The following CTCFL variants were observed in gnomAD, a reference collection of about 807,000 sequenced individuals.
The protein encoded by CTCFL is transcriptional repressor CTCFL.
Under a neutral mutation model 67.4 loss-of-function variants are expected in CTCFL, and 36 were observed. The observed-to-expected ratio is 0.53, with a 90% CI of 0.41 to 0.71. CTCFL has a LOEUF of 0.71. Ranked by LOEUF, CTCFL falls within the 30% of genes least tolerant of loss-of-function variation. The pLI, the probability that CTCFL is intolerant of heterozygous loss-of-function variation, is 0.00. For missense variants in CTCFL, 786 were observed against 835.2 expected (o/e 0.94, Z 0.73); for synonymous variants, 324 against 302.3 (o/e 1.07, Z -0.75).
In CTCFL at chr20:57,524,028, C is replaced by T; in HGVS notation, c.178G>A (p.Val60Ile). Residue 60 changes from valine (V) to isoleucine (I), a missense_variant, in exon 2 of 11, where the codon GTC becomes ATC. This residue lies in a region of CTCFL where 333 missense variants were observed against 304.6 expected (regional missense o/e 1.09). Coordinates refer to ENST00000243914, the MANE Select transcript of CTCFL (RefSeq NM_001386993.1). ...ERTSGAFQDS[V>I]LEEEVELVLA... ...ACCAGCTCCACTTCTTCCTCCAGGA[C>T]GCTGTCCTGGAAGGCCCCAGAGGTA... 2 of 1,613,482 alleles carry T rather than the reference C, an allele frequency of 1.2e-6. No homozygotes were observed. Among genetic ancestry groups the T allele is most frequent in the Admixed American group, 1.7e-5 (1 of 60,030 alleles).
intron 7 of CTCFL, 127 bp from the exon 8 acceptor site, chr20:57,512,879 C>G (rs900035511): frequency 1.2e-6 from 1 of 816,372 alleles, no homozygotes; most frequent in Non-Finnish European, 1.9e-6. Context: ...CTGGGCAGGG[C>G]AGGGTGGGCT....
At chr20:57,507,636 C>G (rs2068283618) in intron 9 of CTCFL, 1 of 703,032 alleles carries the variant, frequency 1.4e-6, no homozygotes, top group East Asian at 2.7e-5. Context: ...CCGGTGCCAG[C>G]AGTTGTGTGG....
At chr20:57,524,393 T>G (rs1467395628) in intron 1 of CTCFL, 177 bp from the exon 2 acceptor site, 1 of 1,431,806 alleles carries the variant, frequency 7.0e-7, no homozygotes, top group Non-Finnish European at 9.1e-7. Flanking sequence ...TAGGAGGGGG[T>G]CAAGGCTAAG....
Position 57,498,533 on chromosome 20 carries a change from C to A in CTCFL, c.*17G>T, listed in dbSNP as rs765240764. 12 of 1,602,554 alleles carry A rather than the reference C, an allele frequency of 7.5e-6. No individual in the cohort carries two copies. In the South Asian group the frequency reaches 1.3e-4, roughly 18 times the overall value. ...CTTTAGGAATTGGGGGCAGTGAACA[C>A]GCAACCCGAATCCCTCTCACTTATC... On this transcript the variant is annotated 3_prime_UTR_variant, in exon 11 of 11. Transcript: ENST00000243914.
At position 57,506,109 on chromosome 20, in the gene CTCFL, A is replaced by G. The variant is rs139587701; in HGVS notation, c.1674+2497T>C. ...CAAATCTGGCTGCCAACTGTTTGTGAAAGCAAGTTTTACTGGAACACAGCC... is the reference window on the plus strand; with the variant it reads ...CAAATCTGGCTGCCAACTGTTTGTGGAAGCAAGTTTTACTGGAACACAGCC... On this transcript the variant is annotated intron_variant, in intron 9 of 10. Coordinates refer to ENST00000243914, the MANE Select transcript of CTCFL (RefSeq NM_001386993.1). 2.6e-3 allele frequency among the ~76,000 whole-genome samples: 403 copies of G among 152,310 alleles called. 1 individual carries two copies. The highest frequency in any genetic ancestry group is 4.9e-3 in the Non-Finnish European group (333 of 68,024).
chr20:57,518,565 T>C lies in CTCFL; in HGVS notation c.1059+193A>G, dbSNP rs141558238. 216 of 1,440,862 alleles carry C rather than the reference T, an allele frequency of 1.5e-4. No individual in the cohort carries two copies. The East Asian group carries it at 5.2e-3, about 35-fold the overall frequency. 89.3% of individuals were successfully genotyped at this position (1,440,862 alleles called of 1,614,324 possible). A position where few individuals can be genotyped will look rare whatever the true frequency, so the allele number is the denominator to read the frequency against. On this transcript the variant is annotated intron_variant, in intron 5 of 10. Transcript: ENST00000243914. ...ACATATTATTTTCACTAATTAGTAA[T>C]CAAAGAAACAAAGAAATCCAATTTT...
At chr20:57,518,692 T>TG in intron 5 of CTCFL, 66 bp downstream of exon 5, 1 of 1,610,878 alleles carries the variant, frequency 6.2e-7, no homozygotes, top group South Asian at 1.1e-5. Flanking sequence ...TAGTTACACT[T>TG]GGAGTAACTT....
upstream of CTCFL, chr20:57,525,181 G>C (rs1044139472): frequency 6.7e-6 from 1 of 149,404 alleles, no homozygotes; most frequent in African/African-American, 2.5e-5. Flanking sequence ...AAAAGAGGGG[G>C]CGTGAAGGGG....
At chr20:57,498,733 T>C in intron 10 of CTCFL, 32 bp from the exon 11 acceptor site, 2 of 1,581,048 alleles carry the variant, frequency 1.3e-6, no homozygotes, top group African/African-American at 1.4e-5. Flanking sequence ...AGCAAATTTA[T>C]CAGAAAGCTA....
At chr20:57,509,964 G>T (rs540300444) in intron 8 of CTCFL, among the ~76,000 whole-genome samples, 1 of 152,282 alleles carries the variant, frequency 6.6e-6, no homozygotes, top group African/African-American at 2.4e-5. Context: ...CTGCTCCAGG[G>T]CCCCTCATCC....
At position 57,524,142 on chromosome 20, in the gene CTCFL, T is replaced by C. The variant is rs189021392; in HGVS notation, c.64A>G (p.Met22Val). ...TCCTCCTTCAGGCCTTTTTCCGGCA[T>C]CAACTCGAGTTCTTTGATCTTGGTG... ...QFTKIKELEL[M>V]PEKGLKEEEK... Residue 22 changes from methionine to valine, a missense_variant, in exon 2 of 11, where the codon ATG becomes GTG. Met to Val is a conservative substitution (Grantham distance 21). Transcript: ENST00000243914. 1.2e-5 allele frequency: 20 copies of C among 1,613,598 alleles called. No homozygotes were observed. In the South Asian group the frequency reaches 1.3e-4, roughly 11 times the overall value.
In CTCFL at chr20:57,524,131, T is replaced by C; in HGVS notation, c.75A>G (p.Lys25=). The change falls in exon 2 of 11, where the codon AAA becomes AAG. Residue 25 remains lysine (K), a synonymous_variant. Transcript: ENST00000243914. Reference sequence around the variant, plus strand: ...CGTCTTTTTCCTCCTCCTTCAGGCCTTTTTCCGGCATCAACTCGAGTTCTT... The same window carrying C: ...CGTCTTTTTCCTCCTCCTTCAGGCCCTTTTCCGGCATCAACTCGAGTTCTT... ...KIKELELMPE[K]GLKEEEKDGV... 1 of 1,613,382 alleles carries C rather than the reference T, an allele frequency of 6.2e-7. No homozygotes were observed. Among genetic ancestry groups the C allele is most frequent in the South Asian group, 1.1e-5 (1 of 91,068 alleles).
chr20:57,517,100 G>A (rs1879123401), intron 5 of CTCFL, among the ~76,000 whole-genome samples: 1 of 152,100 alleles, frequency 6.6e-6, no homozygotes, highest in South Asian at 2.1e-4. Context: ...ATTTCACTTA[G>A]GTTTTCAGAA....
Position 57,504,482 on chromosome 20 carries a change from T to C in CTCFL, c.1675-881A>G, listed in dbSNP as rs116389683. 8.2e-3 allele frequency among the ~76,000 whole-genome samples: 1,242 copies of C among 151,442 alleles called. 16 individuals are homozygous for C. The highest frequency in any genetic ancestry group is 0.029 in the African/African-American group (1,192 of 41,336). Reference sequence around the variant, plus strand: ...TTTTAGTAGAGACAGTGTTCCACCATGCTGGCCAGGCTGGACTCAAAACTC... The same window carrying C: ...TTTTAGTAGAGACAGTGTTCCACCACGCTGGCCAGGCTGGACTCAAAACTC... On this transcript the variant is annotated intron_variant, in intron 9 of 10. Coordinates refer to ENST00000243914, the MANE Select transcript of CTCFL (RefSeq NM_001386993.1).
At chr20:57,504,243 T>G (rs1473504716) in intron 9 of CTCFL, among the ~76,000 whole-genome samples, 1 of 149,364 alleles carries the variant, frequency 6.7e-6, no homozygotes, top group Non-Finnish European at 1.5e-5. Flanking sequence ...CCCAGAGTGC[T>G]GGGATTACAG....
At chr20:57,509,286 T>A (rs1165505819) in intron 8 of CTCFL, among the ~76,000 whole-genome samples, 1 of 101,512 alleles carries the variant, frequency 9.9e-6, no homozygotes, top group Admixed American at 9.0e-5. Flanking sequence ...TAATACCGAT[T>A]TTTTTTTTTT....
chr20:57,524,849 A>T, intron 1 of CTCFL, 179 bp downstream of exon 1: 2 of 761,270 alleles, frequency 2.6e-6, no homozygotes, highest in Non-Finnish European at 3.2e-6. Context: ...GAGGCCTGGC[A>T]GGGCCCCTGC....
chr20:57,512,812 C>T, intron 7 of CTCFL, 60 bp from the exon 8 acceptor site: 4 of 1,535,734 alleles, frequency 2.6e-6, no homozygotes, highest in South Asian at 1.2e-5. Context: ...AGCCTGCTTC[C>T]CCTCTCCTCT....
In CTCFL at chr20:57,524,121, C is replaced by A. The variant is rs2069652078; in HGVS notation, c.85G>T (p.Glu29Ter). Residue 29 changes from glutamate to a stop codon, truncating the protein, a stop_gained, in exon 2 of 11, where the codon GAG becomes TAG. Coordinates refer to ENST00000243914, the MANE Select transcript of CTCFL (RefSeq NM_001386993.1). LOFTEE classifies it high-confidence loss of function. ...CTGCACACTCCGTCTTTTTCCTCCT[C>A]CTTCAGGCCTTTTTCCGGCATCAAC... The part of the protein sequence containing the change: ...LELMPEKGLK[E>*]EEKDGVCREK... 1 of 1,613,606 alleles carries A rather than the reference C, an allele frequency of 6.2e-7. No individual in the cohort carries two copies. Among genetic ancestry groups the A allele is most frequent in the South Asian group, 1.1e-5 (1 of 91,080 alleles).
Sources: gnomAD v4.1 joint callset for allele counts (sites outside exome capture counted in the v4.1 genomes callset) on GRCh38, gnomAD v4.1.1 for gene constraint, gnomAD v4.1.1 regional missense constraint, MANE v1.5 for transcripts, NCBI Gene and HGNC (gene_info 2026-07-23, HGNC 2026-07-21) for gene names.